Variants in STRIP2 observed in about 807,000 individuals in gnomAD.
The protein encoded by STRIP2 is striatin interacting protein 2.
STRIP2 carries 84 observed loss-of-function variants against 107.1 expected under a neutral mutation model. That is an observed-to-expected ratio of 0.78 (90% CI 0.66 to 0.94). STRIP2 has a LOEUF of 0.94. STRIP2 is among the 40% of genes least tolerant of loss of function. The pLI is 0.00. For synonymous variants in STRIP2, 394 were observed against 400.4 expected (o/e 0.98, Z 0.19); for missense variants, 888 against 1,034.2 (o/e 0.86, Z 1.94).
At position 129,486,071 on chromosome 7, in the gene STRIP2, G is replaced by T. The variant is rs535318364; in HGVS notation, c.*242G>T. 15 of 461,894 alleles carry T rather than the reference G, an allele frequency of 3.2e-5. No individual in the cohort carries two copies. The East Asian group carries it at 4.1e-4, about 13-fold the overall frequency. 28.6% of individuals were successfully genotyped at this position (461,894 alleles called of 1,614,324 possible). A position where few individuals can be genotyped will look rare whatever the true frequency, so the allele number is the denominator to read the frequency against. On this transcript the variant is annotated 3_prime_UTR_variant, in exon 21 of 21. Transcript: ENST00000249344. ...GGATCAATTCTAGACAAGCTCTTTG[G>T]TAGGACCTTTTCCTGCTTTAGTCTT...
chr7:129,450,123 G>A (rs1469353952), intron 3 of STRIP2, among the ~76,000 whole-genome samples: 1 of 152,122 alleles, frequency 6.6e-6, no homozygotes, highest in African/African-American at 2.4e-5. Context: ...AGATTTCTTA[G>A]CATTTTTGGA....
chr7:129,469,816 C>G, intron 17 of STRIP2, among the ~76,000 whole-genome samples: 1 of 152,200 alleles, frequency 6.6e-6, no homozygotes, highest in East Asian at 1.9e-4. Flanking sequence ...TCGTCAAAGC[C>G]ACTGCTTTGC....
chr7:129,435,384 G>C (rs2150982735), intron 1 of STRIP2, among the ~76,000 whole-genome samples: 1 of 152,326 alleles, frequency 6.6e-6, no homozygotes, highest in South Asian at 2.1e-4. Flanking sequence ...GATCTGAGCG[G>C]GGATCAGAAT....
Position 129,482,920 on chromosome 7 carries a change from C to T in STRIP2, c.2128C>T (p.Leu710=), listed in dbSNP as rs745888173. The change falls in exon 20 of 21, where the codon CTA becomes TTA. Residue 710 remains leucine (L), a synonymous_variant. Coordinates refer to ENST00000249344, the MANE Select transcript of STRIP2 (RefSeq NM_020704.3). Reference sequence around the variant, plus strand: ...ACAGGCCATGCTGCAACTTTATGTCCTAAAGCTACTAAAGTTACAGACCAA... The same window carrying T: ...ACAGGCCATGCTGCAACTTTATGTCTTAAAGCTACTAAAGTTACAGACCAA... ...VKQAMLQLYV[L]KLLKLQTKYL... 8 of 1,614,130 alleles carry T rather than the reference C, an allele frequency of 5.0e-6. No homozygotes were observed. Among genetic ancestry groups the T allele is most frequent in the Non-Finnish European group, 6.8e-6 (8 of 1,180,036 alleles).
At chr7:129,440,863 G>T (rs1042978205) in intron 2 of STRIP2, among the ~76,000 whole-genome samples, 2 of 152,124 alleles carry the variant, frequency 1.3e-5, no homozygotes, top group Non-Finnish European at 2.9e-5. Flanking sequence ...ATACTTTGAG[G>T]CATGCTTTTT....
At chr7:129,472,655 G>A (rs632505) in intron 18 of STRIP2, among the ~76,000 whole-genome samples, 134,003 of 152,040 alleles carry the variant, frequency 0.88, 59,299 homozygotes, top group East Asian at 0.96. Flanking sequence ...GGTGACTTCT[G>A]TGCTCAGAAA....
Position 129,464,670 on chromosome 7 carries a change from A to ATTGTAAAGAGTATCTC in STRIP2, c.1710_1725dup (p.Thr576CysfsTer24), listed in dbSNP as rs1562909539. 1.2e-6 allele frequency: 2 copies of ATTGTAAAGAGTATCTC among 1,614,030 alleles called. No individual in the cohort carries two copies. The highest frequency in any genetic ancestry group is 2.2e-5 in the South Asian group (2 of 91,080). On this transcript the variant is annotated frameshift_variant, in exon 16 of 21. Coordinates refer to ENST00000249344, the MANE Select transcript of STRIP2 (RefSeq NM_020704.3). LOFTEE classifies it high-confidence loss of function. ...CGATGTGAACAGGCACAAGGAGATTATTGTAAAGAGTATCTCTACCCTGCT... is the reference window on the plus strand; with the variant it reads ...CGATGTGAACAGGCACAAGGAGATTATTGTAAAGAGTATCTCTTGTAAAGAGTATCTCTACCCTGCT...
At chr7:129,440,131 C>T (rs752210670) in intron 2 of STRIP2, 40 bp downstream of exon 2, 2 of 1,569,004 alleles carry the variant, frequency 1.3e-6, no homozygotes, top group South Asian at 1.1e-5. Flanking sequence ...GAAGAATGGC[C>T]AGGAGGAGAG....
chr7:129,443,877 G>A (rs765880292), intron 2 of STRIP2, 147 bp from the exon 3 acceptor site: 12 of 671,366 alleles, frequency 1.8e-5, no homozygotes, highest in South Asian at 8.2e-5. Context: ...TATTTTTAAC[G>A]TTGCTCTGAA....
At chr7:129,475,438 G>C (rs1798891256) in intron 18 of STRIP2, among the ~76,000 whole-genome samples, 1 of 151,782 alleles carries the variant, frequency 6.6e-6, no homozygotes, top group South Asian at 2.1e-4. Flanking sequence ...AAGGTCAGCA[G>C]ACAAACAAGT....
intron 18 of STRIP2, 51 bp from the exon 19 acceptor site, chr7:129,480,734 G>A: frequency 6.8e-7 from 1 of 1,476,470 alleles, no homozygotes; most frequent in Non-Finnish European, 9.3e-7. Context: ...GCTTCTGTGG[G>A]AATTAAAGCC....
intron 5 of STRIP2, 48 bp downstream of exon 5, chr7:129,453,395 A>G: frequency 6.2e-7 from 1 of 1,610,000 alleles, no homozygotes; most frequent in African/African-American, 1.3e-5. Flanking sequence ...CCCATTCCTT[A>G]AAGGGGCCTC....
rs780656551 is a variant in STRIP2 at position 129,458,668 on chromosome 7, T to C, written c.1275-44T>C. 4 of 1,611,372 alleles carry C rather than the reference T, an allele frequency of 2.5e-6. No homozygotes were observed. Among genetic ancestry groups the C allele is most frequent in the Non-Finnish European group, 3.4e-6 (4 of 1,177,564 alleles). On this transcript the variant is annotated intron_variant, in intron 10 of 20. Transcript: ENST00000249344. The surrounding 1 kb of genome is among the most constrained non-coding windows in gnomAD (Gnocchi z 4.6). Reference sequence around the variant, plus strand: ...AAAGTTTTTCTCTCTCAAAGTTTGCTTTTCTTCCCTTCTCTGGGATTGGTC... The same window carrying C: ...AAAGTTTTTCTCTCTCAAAGTTTGCCTTTCTTCCCTTCTCTGGGATTGGTC...
In STRIP2 at chr7:129,451,638, G is replaced by A; in HGVS notation, c.300G>A (p.Leu100=). Reference sequence around the variant, plus strand: ...TGCAGGGCAAGGAATGGCTGGAGTTGGAAGAAGATGCCCAAAAGGCCTATA... The same window carrying A: ...TGCAGGGCAAGGAATGGCTGGAGTTAGAAGAAGATGCCCAAAAGGCCTATA... ...TQVQGKEWLE[L]EEDAQKAYIM... The change falls in exon 4 of 21, where the codon TTG becomes TTA. Residue 100 remains leucine (L), a synonymous_variant. Transcript: ENST00000249344. 6.2e-7 allele frequency: 1 copy of A among 1,614,170 alleles called. No individual in the cohort carries two copies. Among genetic ancestry groups the A allele is most frequent in the Non-Finnish European group, 8.5e-7 (1 of 1,180,036 alleles).
intron 18 of STRIP2, among the ~76,000 whole-genome samples, chr7:129,476,047 C>T (rs925302734): frequency 3.9e-5 from 6 of 152,150 alleles, no homozygotes; most frequent in African/African-American, 1.2e-4. Context: ...CCGCCATCGT[C>T]GTCATGGCCC....
At chr7:129,484,284 C>T (rs1354114395) in intron 20 of STRIP2, among the ~76,000 whole-genome samples, 1 of 152,152 alleles carries the variant, frequency 6.6e-6, no homozygotes, top group Admixed American at 6.5e-5. Flanking sequence ...CTGTACATTG[C>T]CTCACATCAG....
rs748202892 is a variant in STRIP2 at position 129,451,635 on chromosome 7, G to A, written c.297G>A (p.Glu99=). The A allele has an allele frequency of 1.2e-6, 2 of 1,614,194 alleles. No homozygotes were observed. The highest frequency in any genetic ancestry group is 2.2e-5 in the East Asian group (1 of 44,870). The change falls in exon 4 of 21, where the codon GAG becomes GAA. Residue 99 remains glutamate (E), a synonymous_variant. Coordinates refer to ENST00000249344, the MANE Select transcript of STRIP2 (RefSeq NM_020704.3). ...KTQVQGKEWL[E]LEEDAQKAYI... ...CAGTGCAGGGCAAGGAATGGCTGGA[G>A]TTGGAAGAAGATGCCCAAAAGGCCT...
Position 129,458,630 on chromosome 7 carries a change from G to GA in STRIP2, c.1275-81dup. On this transcript the variant is annotated intron_variant, in intron 10 of 20. Transcript: ENST00000249344. The surrounding 1 kb of genome is among the most constrained non-coding windows in gnomAD (Gnocchi z 4.6). ...ACTGCTCCAGTCCTCTGATTGGAGG[G>GA]ATAGGAGCCCGGAAAGTTTTTCTCT... is the stretch of plus-strand genomic sequence containing the variant. 1 of 1,484,394 alleles carries GA rather than the reference G, an allele frequency of 6.7e-7. No individual in the cohort carries two copies. The highest frequency in any genetic ancestry group is 9.4e-7 in the Non-Finnish European group (1 of 1,067,104). 92.0% of individuals were successfully genotyped at this position (1,484,394 alleles called of 1,614,324 possible). A position where few individuals can be genotyped will look rare whatever the true frequency, so the allele number is the denominator to read the frequency against.
chr7:129,477,449 C>A lies in STRIP2; in HGVS notation c.1945-3336C>A, dbSNP rs148632426. ...GCATTATATCAATTTTCCTGTTGGT[C>A]ACTATTTCTATAATGGGTTCTTGGG... is the stretch of plus-strand genomic sequence containing the variant. On this transcript the variant is annotated intron_variant, in intron 18 of 20. Transcript: ENST00000249344. Among the ~76,000 whole-genome samples, 913 of 152,196 alleles carry A rather than the reference C, an allele frequency of 6.0e-3. 11 individuals are homozygous for A. The highest frequency in any genetic ancestry group is 0.021 in the African/African-American group (882 of 41,552).
Sources: allele counts gnomAD v4.1 joint callset (sites outside exome capture counted in the v4.1 genomes callset), GRCh38; gene constraint gnomAD v4.1.1; non-coding constraint Gnocchi (gnomAD v3.1); transcripts MANE v1.5; gene names NCBI Gene and HGNC (gene_info 2026-07-23, HGNC 2026-07-21).